The following TMEM232 variants were observed in gnomAD, a reference collection of about 807,000 sequenced individuals.
TMEM232 encodes transmembrane protein 232.
Under a neutral mutation model 78.8 loss-of-function variants are expected in TMEM232, and 80 were observed. The ratio of observed to expected loss-of-function variants is 1.01; its 90% CI spans 0.85 to 1.22. The LOEUF is 1.22. TMEM232 is among the 50% of genes most tolerant of loss of function. TMEM232 has a pLI of 0.00. For synonymous variants in TMEM232, 297 were observed against 254.3 expected (o/e 1.17, Z -1.60); for missense variants, 881 against 742.2 (o/e 1.19, Z -2.17).
intron 11 of TMEM232, among the ~76,000 whole-genome samples, chr5:110,547,051 T>C (rs1773866283): frequency 6.6e-6 from 1 of 152,106 alleles, no homozygotes; most frequent in African/African-American, 2.4e-5. Context: ...TAAGATGTGC[T>C]TAATTCAACT....
chr5:110,736,689 A>T (rs1334489655), intron 1 of TMEM232, among the ~76,000 whole-genome samples: 2 of 151,698 alleles, frequency 1.3e-5, no homozygotes, highest in Non-Finnish European at 2.9e-5. Context: ...GGAAGCCTTT[A>T]CTCTTCCCCA....
intron 1 of TMEM232, among the ~76,000 whole-genome samples, chr5:110,687,632 GA>G (rs1793583759): frequency 6.6e-6 from 1 of 151,656 alleles, no homozygotes; most frequent in African/African-American, 2.4e-5. Context: ...ATTGTTTTGG[GA>G]AAAAAAGGTA....
chr5:110,463,856 T>C (rs976235116), intron 12 of TMEM232, among the ~76,000 whole-genome samples: 4 of 152,180 alleles, frequency 2.6e-5, no homozygotes, highest in African/African-American at 9.7e-5. Context: ...TCCCTGTATT[T>C]CATCTTTATT....
At chr5:110,432,573 G>C (rs1031537099) in intron 12 of TMEM232, among the ~76,000 whole-genome samples, 1 of 151,570 alleles carries the variant, frequency 6.6e-6, no homozygotes, top group African/African-American at 2.4e-5. Flanking sequence ...GTACATAATC[G>C]AGACTACCAC....
At chr5:110,574,800 T>C (rs1448679597) in intron 10 of TMEM232, among the ~76,000 whole-genome samples, 1 of 152,130 alleles carries the variant, frequency 6.6e-6, no homozygotes, top group Non-Finnish European at 1.5e-5. Flanking sequence ...GACTCTGCTC[T>C]ATGTACCTCT....
chr5:110,404,621 T>C (rs954951459), intron 2 of TMEM232, among the ~76,000 whole-genome samples: 3 of 152,154 alleles, frequency 2.0e-5, no homozygotes, highest in Admixed American at 6.6e-5. Flanking sequence ...TTCCAGTTTA[T>C]ATGAAGAAGA....
chr5:110,391,850 C>G (rs1755208461), intron 3 of TMEM232, among the ~76,000 whole-genome samples: 1 of 152,166 alleles, frequency 6.6e-6, no homozygotes, highest in Non-Finnish European at 1.5e-5. Context: ...CTGGACTATA[C>G]AGCAGTTTGG....
In TMEM232 at chr5:110,622,962, T is replaced by G. The variant is rs569994012; in HGVS notation, c.768+2305A>C. 8.4e-4 allele frequency among the ~76,000 whole-genome samples: 127 copies of G among 151,400 alleles called. 1 individual carries two copies. Among genetic ancestry groups the G allele is most frequent in the African/African-American group, 3.0e-3 (125 of 41,124 alleles). ...ACATATGTAACTAACCTGCACATTG[T>G]GCACATGTACCCTAAAACTTAAAGT... is the stretch of plus-strand genomic sequence containing the variant. On this transcript the variant is annotated intron_variant, in intron 7 of 13. Coordinates refer to ENST00000455884, the MANE Select transcript of TMEM232 (RefSeq NM_001039763.4).
At chr5:110,445,272 CT>C (rs1759523214) in intron 12 of TMEM232, among the ~76,000 whole-genome samples, 1 of 151,880 alleles carries the variant, frequency 6.6e-6, no homozygotes, top group Non-Finnish European at 1.5e-5. Flanking sequence ...ATTTTAACAG[CT>C]TTGTTGAGCT....
At chr5:110,665,622 A>T (rs1193469247) in intron 2 of TMEM232, among the ~76,000 whole-genome samples, 1 of 151,166 alleles carries the variant, frequency 6.6e-6, no homozygotes. Context: ...GGGGAAATCC[A>T]TCCCGGTTAT....
At chr5:110,601,884 G>C (rs1236626230) in intron 10 of TMEM232, among the ~76,000 whole-genome samples, 2 of 152,118 alleles carry the variant, frequency 1.3e-5, no homozygotes, top group African/African-American at 4.8e-5. Context: ...CACGCTACCT[G>C]ACTTCAAACT....
intron 12 of TMEM232, among the ~76,000 whole-genome samples, chr5:110,500,544 G>A (rs73220785): frequency 6.6e-6 from 1 of 152,106 alleles, no homozygotes; most frequent in African/African-American, 2.4e-5. Context: ...AGTTTAGAGG[G>A]AAATTTATAG....
At chr5:110,729,342 T>G (rs886240208), upstream of TMEM232, among the ~76,000 whole-genome samples, 2 of 152,190 alleles carry the variant, frequency 1.3e-5, no homozygotes, top group African/African-American at 4.8e-5. Flanking sequence ...CCTCAACTGC[T>G]GCCACAAACT....
chr5:110,634,370 T>C (rs1292976204), intron 5 of TMEM232, among the ~76,000 whole-genome samples: 3 of 152,130 alleles, frequency 2.0e-5, no homozygotes, highest in Non-Finnish European at 4.4e-5. Flanking sequence ...ACAGAATATT[T>C]TTCCCAACAC....
At chr5:110,580,179 C>A (rs1778019416) in intron 10 of TMEM232, among the ~76,000 whole-genome samples, 1 of 151,668 alleles carries the variant, frequency 6.6e-6, no homozygotes, top group African/African-American at 2.4e-5. Context: ...TGCCACATAA[C>A]AGTGTTTCAG....
intron 10 of TMEM232, among the ~76,000 whole-genome samples, chr5:110,603,205 G>A (rs1319913710): frequency 6.6e-6 from 1 of 152,034 alleles, no homozygotes. Context: ...GGCTTAAATT[G>A]AAGAAGATGG....
At position 110,605,354 on chromosome 5, in the gene TMEM232, T is replaced by C; in HGVS notation, c.1031A>G (p.Glu344Gly). The change falls in exon 10 of 14, where the codon GAA becomes GGA. Residue 344 changes from glutamate (E) to glycine (G), a missense_variant. By Grantham distance (98) the Glu-to-Gly change is moderately conservative (BLOSUM62 -2). Transcript: ENST00000455884. ...SSIMSVQNQE[E>G]SCKVDDFSWA... ...GGAAAAATCATCTACCTTGCAACTT[T>C]CTTCCTGAAATGAGAAAATAGATAT... The C allele has an allele frequency of 6.5e-7, 1 of 1,539,686 alleles. No individual in the cohort carries two copies. Among genetic ancestry groups the C allele is most frequent in the South Asian group, 1.2e-5 (1 of 81,672 alleles).
chr5:110,667,164 A>C, intron 2 of TMEM232, 64 bp downstream of exon 2: 1 of 1,318,118 alleles, frequency 7.6e-7, no homozygotes, highest in South Asian at 1.6e-5. Flanking sequence ...TTTTTTTTTC[A>C]GTTTTCTATA....
intron 12 of TMEM232, among the ~76,000 whole-genome samples, chr5:110,517,026 T>A (rs1581033887): frequency 6.6e-6 from 1 of 152,202 alleles, no homozygotes. Flanking sequence ...GTGCCCCACC[T>A]TCTATAGGAG....
Sources: allele counts gnomAD v4.1 joint callset (sites outside exome capture counted in the v4.1 genomes callset), GRCh38; gene constraint gnomAD v4.1.1; transcripts MANE v1.5; gene names NCBI Gene and HGNC (gene_info 2026-07-23, HGNC 2026-07-21).